RBFOX1: variants seen among roughly 807,000 people sequenced by gnomAD.
RBFOX1 encodes RNA binding fox-1 homolog 1.
A neutral mutation model predicts 57.7 loss-of-function variants in RBFOX1; 8 were observed. The ratio of observed to expected loss-of-function variants is 0.14; its 90% confidence interval spans 0.08 to 0.25. The LOEUF is 0.25. RBFOX1 is among the 10% of genes least tolerant of loss of function. The probability of loss-of-function intolerance (pLI) is 1.00; values close to 1 mark genes in which losing one functional copy is unlikely to be tolerated. For synonymous variants in RBFOX1, 326 were observed against 222.4 expected (o/e 1.47, Z -4.15); for missense variants, 611 against 548.5 (o/e 1.11, Z -1.14).
chr16:6,089,986 T>C (rs1392209357), intron 1 of RBFOX1: 1 of 152,182 alleles, frequency 6.6e-6, no homozygotes, highest in African/African-American at 2.4e-5. Flanking sequence ...TAAGTGGGTC[T>C]AACTGGGCTA....
At chr16:6,145,001 C>A (rs1008797580) in intron 1 of RBFOX1, among the ~76,000 whole-genome samples, 3 of 151,960 alleles carry the variant, frequency 2.0e-5, no homozygotes, top group Non-Finnish European at 4.4e-5. Flanking sequence ...TGAGATAAGA[C>A]CCTGCATTTT....
intron 4 of RBFOX1, among the ~76,000 whole-genome samples, chr16:7,139,504 T>G (rs1158454108): frequency 6.6e-6 from 1 of 152,138 alleles, no homozygotes; most frequent in African/African-American, 2.4e-5. Flanking sequence ...CCAGATAGTT[T>G]GCAACCAGGT....
chr16:7,450,616 A>G (rs2098844617), intron 4 of RBFOX1, among the ~76,000 whole-genome samples: 1 of 152,106 alleles, frequency 6.6e-6, no homozygotes, highest in Non-Finnish European at 1.5e-5. Context: ...CTGGGATTCC[A>G]GGCTCCTTTC....
At chr16:6,181,085 A>G (rs1444307648) in intron 1 of RBFOX1, among the ~76,000 whole-genome samples, 1 of 152,080 alleles carries the variant, frequency 6.6e-6, no homozygotes, top group Non-Finnish European at 1.5e-5. Context: ...CTTTGGTATC[A>G]CCTCTGCATC....
In RBFOX1 at chr16:6,390,982, C is replaced by T. The variant is rs905116269; in HGVS notation, c.-64+73925C>T. 1.1e-3 allele frequency among the ~76,000 whole-genome samples: 173 copies of T among 152,094 alleles called. 1 individual carries two copies. The highest frequency in any genetic ancestry group is 4.0e-3 in the African/African-American group (165 of 41,386). On this transcript the variant is annotated intron_variant, in intron 2 of 15. Coordinates refer to ENST00000550418, the MANE Select transcript of RBFOX1 (RefSeq NM_018723.4). ...GAGAATGCTCTTTGGTGAGGGCTGT[C>T]CTGTGTATAGTAAGATGTTCAGCAG...
In RBFOX1 at chr16:6,664,389, C is replaced by T. The variant is rs149756299; in HGVS notation, c.-16+9739C>T. ...TTAGGGCAACACCTCACCCCTGGTC[C>T]TACTATCTCTGGTCAAAGAAATGTG... On this transcript the variant is annotated intron_variant, in intron 3 of 15. Coordinates refer to ENST00000550418, the MANE Select transcript of RBFOX1 (RefSeq NM_018723.4). Among the ~76,000 whole-genome samples, 791 of 152,274 alleles carry T rather than the reference C, an allele frequency of 5.2e-3. 2 individuals carry two copies. The highest frequency in any genetic ancestry group is 8.0e-3 in the Non-Finnish European group (546 of 68,018).
intron 4 of RBFOX1, among the ~76,000 whole-genome samples, chr16:5,890,964 C>T (rs1401997982): frequency 1.3e-5 from 2 of 152,170 alleles, no homozygotes; most frequent in Non-Finnish European, 2.9e-5. Context: ...ATCTGAATTT[C>T]TCAGTCTGTG....
At chr16:6,954,960 G>C (rs2081458307) in intron 3 of RBFOX1, among the ~76,000 whole-genome samples, 1 of 151,956 alleles carries the variant, frequency 6.6e-6, no homozygotes, top group African/African-American at 2.4e-5. Context: ...GCTGGGTGTG[G>C]TGGCTCGTGC....
intron 4 of RBFOX1, among the ~76,000 whole-genome samples, chr16:7,307,875 A>G (rs556512338): frequency 2.6e-5 from 4 of 152,276 alleles, no homozygotes; most frequent in South Asian, 4.1e-4. Context: ...CCCTGCCTCA[A>G]TCTCCTTTCC....
chr16:5,266,367 C>T (rs761950830), intron 1 of RBFOX1, among the ~76,000 whole-genome samples: 8 of 152,154 alleles, frequency 5.3e-5, no homozygotes, highest in South Asian at 2.1e-4. Flanking sequence ...TAATGTCCCC[C>T]GGGGGCATAA....
chr16:5,741,444 C>A (rs547517093), intron 3 of RBFOX1, among the ~76,000 whole-genome samples: 1 of 152,252 alleles, frequency 6.6e-6, no homozygotes, highest in Admixed American at 6.5e-5. Flanking sequence ...TGATTTCTGA[C>A]CACAGAATCA....
chr16:7,670,362 A>C (rs79294551), intron 13 of RBFOX1, among the ~76,000 whole-genome samples: 1 of 152,326 alleles, frequency 6.6e-6, no homozygotes, highest in East Asian at 1.9e-4. Flanking sequence ...AGAAAAAAAG[A>C]AAATAATTTG....
At chr16:6,965,754 C>G (rs142395444) in intron 3 of RBFOX1, among the ~76,000 whole-genome samples, 1 of 152,080 alleles carries the variant, frequency 6.6e-6, no homozygotes, top group African/African-American at 2.4e-5. Context: ...TGTTTATTAT[C>G]CTGGGGTGCT....
intron 4 of RBFOX1, among the ~76,000 whole-genome samples, chr16:7,280,383 G>A (rs2095517768): frequency 6.6e-6 from 1 of 152,194 alleles, no homozygotes. Context: ...TGTTGGTTAA[G>A]AAAGACATGC....
In RBFOX1 at chr16:6,148,502, G is replaced by T. The variant is rs567211236; in HGVS notation, c.-127+128510G>T. ...TGGCATGGATGGCTCATTCTTCTTT[G>T]AGTCTCAGGTTGAATCTCACCACCC... On this transcript the variant is annotated intron_variant, in intron 1 of 15. Coordinates refer to ENST00000550418, the MANE Select transcript of RBFOX1 (RefSeq NM_018723.4). Among the ~76,000 whole-genome samples, 13 of 152,256 alleles carry T rather than the reference G, an allele frequency of 8.5e-5. No individual in the cohort carries two copies. The East Asian group carries it at 1.7e-3, about 20-fold the overall frequency.
At chr16:5,652,522 A>G (rs924108142) in intron 3 of RBFOX1, among the ~76,000 whole-genome samples, 2 of 152,186 alleles carry the variant, frequency 1.3e-5, no homozygotes, top group African/African-American at 4.8e-5. Flanking sequence ...GAGGGATGAC[A>G]GGATTATACT....
intron 3 of RBFOX1, among the ~76,000 whole-genome samples, chr16:6,793,687 A>C (rs551921029): frequency 3.3e-4 from 51 of 152,352 alleles, no homozygotes; most frequent in African/African-American, 1.0e-3. Flanking sequence ...AAATGAAAAC[A>C]GTGCATTGGC....
chr16:6,129,897 A>G (rs1438477152), intron 1 of RBFOX1, among the ~76,000 whole-genome samples: 1 of 152,156 alleles, frequency 6.6e-6, no homozygotes, highest in Admixed American at 6.5e-5. Flanking sequence ...GTTCAGAAAG[A>G]AACAAAACAA....
chr16:7,181,825 T>C lies in RBFOX1; in HGVS notation c.27+129727T>C, dbSNP rs183552240. ...ATCTGCCCATCTCAGCCTCCCAAAG[T>C]GCTAGGATTAAAGGTGTGAGACACC... On this transcript the variant is annotated intron_variant, in intron 4 of 15. Coordinates refer to ENST00000550418, the MANE Select transcript of RBFOX1 (RefSeq NM_018723.4). Among the ~76,000 whole-genome samples, 5 of 152,138 alleles carry C rather than the reference T, an allele frequency of 3.3e-5. No individual in the cohort carries two copies. In the East Asian group the frequency reaches 9.7e-4, roughly 29 times the overall value.
Sources: allele counts gnomAD v4.1 joint callset (sites outside exome capture counted in the v4.1 genomes callset), GRCh38; gene constraint gnomAD v4.1.1; transcripts MANE v1.5; gene names NCBI Gene and HGNC (gene_info 2026-07-23, HGNC 2026-07-21).